Variants in LTN1 observed in about 807,000 individuals in gnomAD.
LTN1 encodes E3 ubiquitin-protein ligase listerin.
A neutral mutation model predicts 201.2 loss-of-function variants in LTN1; 88 were observed. That is an observed-to-expected ratio of 0.44 (90% CI 0.37 to 0.52). The LOEUF (loss-of-function observed/expected upper bound fraction) is 0.52, where lower values mean the gene tolerates loss of function less well. LTN1 is among the 20% of genes least tolerant of loss of function. LTN1 has a pLI of 0.00. For missense variants in LTN1, 1,752 were observed against 2,038.7 expected (o/e 0.86, Z 2.71); for synonymous variants, 645 against 713.5 (o/e 0.90, Z 1.53).
chr21:28,956,644 G>A, intron 16 of LTN1, 118 bp downstream of exon 16: 1 of 563,110 alleles, frequency 1.8e-6, no homozygotes, highest in Non-Finnish European at 2.8e-6. Flanking sequence ...CATTAAAATA[G>A]GAAAAAGAAA....
At chr21:28,960,284 T>C (rs1348719756) in intron 12 of LTN1, among the ~76,000 whole-genome samples, 1 of 151,340 alleles carries the variant, frequency 6.6e-6, no homozygotes, top group Non-Finnish European at 1.5e-5. Context: ...CAAGAATCAC[T>C]TGAACTCAGA....
chr21:28,935,433 ATAG>A, intron 26 of LTN1, 104 bp from the exon 27 acceptor site: 3 of 713,500 alleles, frequency 4.2e-6, no homozygotes, highest in Non-Finnish European at 7.2e-6. Flanking sequence ...TTTCTCAACA[ATAG>A]TGCTATAGCT....
intron 13 of LTN1, 90 bp from the exon 14 acceptor site, chr21:28,958,629 A>T: frequency 1.1e-6 from 1 of 918,162 alleles, no homozygotes; most frequent in Non-Finnish European, 1.6e-6. Flanking sequence ...CAGATCTGAG[A>T]TTTTTTTAAA....
In LTN1 at chr21:28,929,151, C is replaced by T. The variant is rs185200804; in HGVS notation, c.*1297G>A. The T allele has an allele frequency of 2.1e-4, 32 of 152,622 alleles. No individual in the cohort carries two copies. The highest frequency in any genetic ancestry group is 7.0e-4 in the African/African-American group (29 of 41,550). 9.5% of individuals were successfully genotyped at this position (152,622 alleles called of 1,614,324 possible). On this transcript the variant is annotated 3_prime_UTR_variant, in exon 30 of 30. Coordinates refer to ENST00000361371, the MANE Select transcript of LTN1 (RefSeq NM_015565.3). ...TTCACTCTCAACTATAATCCTCTGA[C>T]CACATTCATACTATTTCAATAGTCA...
intron 29 of LTN1, 34 bp from the exon 30 acceptor site, chr21:28,930,544 C>G: frequency 7.0e-7 from 1 of 1,421,752 alleles, no homozygotes; most frequent in Non-Finnish European, 9.9e-7. Context: ...ACTAAAAGAA[C>G]TTTTAAAGTT....
intron 6 of LTN1, among the ~76,000 whole-genome samples, chr21:28,980,299 G>C (rs1272222671): frequency 6.7e-6 from 1 of 148,866 alleles, no homozygotes; most frequent in Non-Finnish European, 1.5e-5. Context: ...ATGAGTTTTA[G>C]TGCTGTTGGC....
At chr21:28,937,215 T>C (rs1235773066) in intron 25 of LTN1, among the ~76,000 whole-genome samples, 1 of 152,190 alleles carries the variant, frequency 6.6e-6, no homozygotes, top group African/African-American at 2.4e-5. Context: ...GCACTGCAGG[T>C]ATCTGTGTGA....
intron 6 of LTN1, among the ~76,000 whole-genome samples, chr21:28,973,346 C>CAAAA (rs771261669): frequency 6.9e-4 from 42 of 60,946 alleles, no homozygotes; most frequent in Admixed American, 9.7e-4. Context: ...GAATCCGTCC[C>CAAAA]AAAAAAAAAA....
At position 28,992,700 on chromosome 21, in the gene LTN1, C is replaced by T. The variant is rs566883502; in HGVS notation, c.42+64G>A. 17 of 1,590,458 alleles carry T rather than the reference C, an allele frequency of 1.1e-5. No homozygotes were observed. In the South Asian group the frequency reaches 1.7e-4, roughly 16 times the overall value. ...GCGCTCCACACACCCTCCAGCAACG[C>T]GCTGGGCGGAGCCAGCCGCCTCGAA... is the stretch of plus-strand genomic sequence containing the variant. On this transcript the variant is annotated intron_variant, in intron 1 of 29. Transcript: ENST00000361371.
chr21:28,958,333 G>C, intron 14 of LTN1, 53 bp downstream of exon 14: 1 of 1,517,122 alleles, frequency 6.6e-7, no homozygotes, highest in South Asian at 1.2e-5. Context: ...TCTAATTTAA[G>C]GACACTGTTC....
chr21:28,977,747 C>G (rs953256199), intron 6 of LTN1, among the ~76,000 whole-genome samples: 1 of 151,450 alleles, frequency 6.6e-6, no homozygotes, highest in Non-Finnish European at 1.5e-5. Flanking sequence ...GCCAACATGA[C>G]AAAACCCCGT....
At chr21:28,952,695 T>C (rs2084392427) in intron 17 of LTN1, among the ~76,000 whole-genome samples, 2 of 152,222 alleles carry the variant, frequency 1.3e-5, no homozygotes, top group South Asian at 2.1e-4. Context: ...CTGGGTCCTC[T>C]GATACAGCAA....
chr21:28,960,381 AAAAG>A, intron 12 of LTN1, 132 bp downstream of exon 12: 8 of 628,506 alleles, frequency 1.3e-5, no homozygotes, highest in Admixed American at 3.5e-5. Flanking sequence ...AAAAGAAAAG[AAAAG>A]AAAAAAAAAA....
At chr21:28,952,378 G>A in intron 17 of LTN1, 114 bp from the exon 18 acceptor site, 2 of 598,130 alleles carry the variant, frequency 3.3e-6, no homozygotes, top group Non-Finnish European at 5.8e-6. Context: ...CCTTGTGATG[G>A]CATCAATTCA....
chr21:28,943,297 T>C lies in LTN1; in HGVS notation c.4260A>G (p.Leu1420=), dbSNP rs752146236. The part of the protein sequence containing the change: ...PELPQYDQDN[L]KSYGDEEEEP... ...CTTCTTCTTCATCTCCGTATGACTT[T>C]AGATTATCCTGATCATACTGTGGTA... Residue 1420 remains leucine, a synonymous_variant, in exon 24 of 30, where the codon CTA becomes CTG. Coordinates refer to ENST00000361371, the MANE Select transcript of LTN1 (RefSeq NM_015565.3). 8.7e-6 allele frequency: 14 copies of C among 1,603,860 alleles called. No individual in the cohort carries two copies. The highest frequency in any genetic ancestry group is 1.2e-5 in the Non-Finnish European group (14 of 1,173,170).
intron 9 of LTN1, among the ~76,000 whole-genome samples, chr21:28,968,806 C>T (rs1339133341): frequency 2.0e-5 from 3 of 151,816 alleles, no homozygotes; most frequent in Non-Finnish European, 4.4e-5. Flanking sequence ...GGGGTTTCTC[C>T]ATGTTGGTCA....
At chr21:28,981,019 T>C in intron 6 of LTN1, 100 bp downstream of exon 6, 2 of 636,484 alleles carry the variant, frequency 3.1e-6, no homozygotes, top group Non-Finnish European at 5.0e-6. Context: ...ACAGATGTGC[T>C]TGCAGAGTTC....
At chr21:28,949,165 C>T (rs2084364149) in intron 18 of LTN1, among the ~76,000 whole-genome samples, 1 of 152,158 alleles carries the variant, frequency 6.6e-6, no homozygotes, top group African/African-American at 2.4e-5. Flanking sequence ...ACCATTTCAT[C>T]TATGAATTGC....
At chr21:28,967,584 C>T (rs2084537103) in intron 9 of LTN1, 1 of 161,876 alleles carries the variant, frequency 6.2e-6, no homozygotes, top group Non-Finnish European at 1.3e-5. Context: ...AAGTTCTTCA[C>T]CCCTTCCCGT....
Sources: allele counts gnomAD v4.1 joint callset (sites outside exome capture counted in the v4.1 genomes callset), GRCh38; gene constraint gnomAD v4.1.1; transcripts MANE v1.5; gene names NCBI Gene and HGNC (gene_info 2026-07-23, HGNC 2026-07-21).